The following LRRTM3 variants were observed in gnomAD, a reference collection of about 807,000 sequenced individuals.
The protein encoded by LRRTM3 is leucine rich repeat transmembrane neuronal 3.
Under a neutral mutation model 44.7 loss-of-function variants are expected in LRRTM3, and 24 were observed. The ratio of observed to expected loss-of-function variants is 0.54; its 90% CI spans 0.39 to 0.76. The LOEUF is 0.76. Among genes scored for constraint, LRRTM3 ranks in the 30% least tolerant of loss-of-function variants. The pLI, the probability that LRRTM3 is intolerant of heterozygous loss-of-function variation, is 0.00. For synonymous variants in LRRTM3, 277 were observed against 278.7 expected (o/e 0.99, Z 0.06); for missense variants, 587 against 702.2 (o/e 0.84, Z 1.85).
At chr10:67,075,973 A>G (rs1856725886) in intron 2 of LRRTM3, among the ~76,000 whole-genome samples, 1 of 152,220 alleles carries the variant, frequency 6.6e-6, no homozygotes, top group Admixed American at 6.5e-5. Context: ...CCATTTTTAT[A>G]TAAACCTCTC....
At chr10:67,045,528 G>C (rs868273428) in intron 2 of LRRTM3, among the ~76,000 whole-genome samples, 1 of 152,056 alleles carries the variant, frequency 6.6e-6, no homozygotes, top group Non-Finnish European at 1.5e-5. Flanking sequence ...AGGAAACCCC[G>C]ACCCAGAAGC....
Position 66,926,439 on chromosome 10 carries a change from C to T in LRRTM3, c.-145C>T. On this transcript the variant is annotated 5_prime_UTR_variant, in exon 1 of 3. Transcript: ENST00000361320. Reference sequence around the variant, plus strand: ...CTGGCAAAGAATAATGTTCCAAAATCGGTCCATCTCCCAAGGGGTCCAATT... The same window carrying T: ...CTGGCAAAGAATAATGTTCCAAAATTGGTCCATCTCCCAAGGGGTCCAATT... The T allele has an allele frequency of 2.6e-6, 2 of 782,342 alleles. No homozygotes were observed. Among genetic ancestry groups the T allele is most frequent in the Non-Finnish European group, 2.2e-6 (1 of 455,644 alleles). The allele number at this position is 782,342 out of a possible 1,614,324, so 48.5% of individuals were successfully genotyped here. A position where few individuals can be genotyped will look rare whatever the true frequency, so the allele number is the denominator to read the frequency against.
Position 66,927,953 on chromosome 10 carries a change from T to G in LRRTM3, c.1037T>G (p.Leu346Arg), listed in dbSNP as rs1397746968. The change falls in exon 2 of 3, where the codon CTG (leucine) becomes CGG (arginine). Residue 346 changes from leucine to arginine, a missense_variant. Physicochemically the swap from Leu to Arg is moderately radical, Grantham distance 102. Coordinates refer to ENST00000361320, the MANE Select transcript of LRRTM3 (RefSeq NM_178011.5). This position sits in a 1 kb window ranked among gnomAD's most constrained non-coding sequence, Gnocchi z 4.7. ...ATTATCTGTGCCAGTCCCAAAGAGC[T>G]GCAAGGAGTAAATGTGATCGATGCA... ...NTIICASPKELQGVNVIDAVK... is the reference protein window; with the variant it reads ...NTIICASPKERQGVNVIDAVK... 10 of 1,614,116 alleles carry G rather than the reference T, an allele frequency of 6.2e-6. No homozygotes were observed. Among genetic ancestry groups the G allele is most frequent in the African/African-American group, 1.3e-5 (1 of 74,940 alleles).
At chr10:67,022,338 T>A (rs1249881593) in intron 2 of LRRTM3, among the ~76,000 whole-genome samples, 2 of 152,068 alleles carry the variant, frequency 1.3e-5, no homozygotes, top group African/African-American at 4.8e-5. Flanking sequence ...TGCCTCTGTG[T>A]GTGTGTGTGT....
intron 2 of LRRTM3, among the ~76,000 whole-genome samples, chr10:67,021,346 T>G (rs1440102548): frequency 6.6e-6 from 1 of 152,166 alleles, no homozygotes; most frequent in Non-Finnish European, 1.5e-5. Context: ...AGCACTTGTA[T>G]ACAATCAGTG....
rs150389357 is a variant in LRRTM3 at position 66,998,018 on chromosome 10, C to T, written c.1536+69566C>T. The stretch of plus-strand genomic sequence containing the variant: ...GATTTTTCTAACTGGCCTCCCTGCC[C>T]ACCAGGCTCAGTTTCATCCCCTCAT... On this transcript the variant is annotated intron_variant, in intron 2 of 2. Coordinates refer to ENST00000361320, the MANE Select transcript of LRRTM3 (RefSeq NM_178011.5). Among the ~76,000 whole-genome samples the T allele has an allele frequency of 4.3e-4, 66 of 152,274 alleles. 1 individual carries two copies. The East Asian group carries it at 0.012, about 28-fold the overall frequency.
intron 2 of LRRTM3, among the ~76,000 whole-genome samples, chr10:66,964,067 G>A (rs560905495): frequency 6.6e-6 from 1 of 151,854 alleles, no homozygotes; most frequent in East Asian, 1.9e-4. Flanking sequence ...GGCCAGGATG[G>A]TCTCGATCTT....
intron 2 of LRRTM3, among the ~76,000 whole-genome samples, chr10:67,013,626 A>G (rs995121445): frequency 6.6e-6 from 1 of 152,162 alleles, no homozygotes; most frequent in Non-Finnish European, 1.5e-5. Context: ...CCTTTTCTTG[A>G]TACAAAAGTA....
At chr10:66,930,239 T>C (rs955704113) in intron 2 of LRRTM3, among the ~76,000 whole-genome samples, 1 of 152,170 alleles carries the variant, frequency 6.6e-6, no homozygotes, top group Admixed American at 6.5e-5. Flanking sequence ...TTACAATAGA[T>C]GCCACTTCAG....
chr10:67,000,332 C>T (rs959036028), intron 2 of LRRTM3, among the ~76,000 whole-genome samples: 1 of 152,162 alleles, frequency 6.6e-6, no homozygotes, highest in East Asian at 1.9e-4. Flanking sequence ...CTTACTCTTG[C>T]TGACCCAATA....
intron 2 of LRRTM3, among the ~76,000 whole-genome samples, chr10:66,933,844 T>C (rs1415775672): frequency 6.6e-6 from 1 of 152,188 alleles, no homozygotes; most frequent in Non-Finnish European, 1.5e-5. Context: ...CTTACCAATA[T>C]GAAGTAGCAG....
chr10:67,083,229 A>G (rs778170639), intron 2 of LRRTM3, among the ~76,000 whole-genome samples: 23 of 152,226 alleles, frequency 1.5e-4, no homozygotes, highest in Non-Finnish European at 2.5e-4. Context: ...GTAAAAAGAA[A>G]GTGTCTAAAG....
chr10:66,971,872 T>A (rs1849742345), intron 2 of LRRTM3, among the ~76,000 whole-genome samples: 1 of 151,504 alleles, frequency 6.6e-6, no homozygotes, highest in Non-Finnish European at 1.5e-5. Flanking sequence ...GCCAAAATCA[T>A]TTTTTTTCAA....
intron 2 of LRRTM3, among the ~76,000 whole-genome samples, chr10:67,079,858 AACACAC>A (rs199928311): frequency 0.065 from 9,244 of 141,158 alleles, 407 homozygotes; most frequent in African/African-American, 0.12. Flanking sequence ...AAAAAAACAA[AACACAC>A]ACACACACAC....
intron 2 of LRRTM3, among the ~76,000 whole-genome samples, chr10:67,032,778 T>A (rs1853812996): frequency 6.6e-6 from 1 of 152,210 alleles, no homozygotes; most frequent in Non-Finnish European, 1.5e-5. Context: ...ATTTTCCTTT[T>A]TTTATGTGTT....
chr10:67,084,354 C>T (rs894617443), intron 2 of LRRTM3, among the ~76,000 whole-genome samples: 3 of 151,926 alleles, frequency 2.0e-5, no homozygotes, highest in African/African-American at 7.2e-5. Flanking sequence ...CAGTCACTAA[C>T]CATGACCAAG....
At chr10:67,022,929 C>T (rs191210983) in intron 2 of LRRTM3, among the ~76,000 whole-genome samples, 201 of 152,144 alleles carry the variant, frequency 1.3e-3, no homozygotes, top group African/African-American at 4.7e-3. Flanking sequence ...GAGAGTAAGA[C>T]TGTGTCTCAA....
In LRRTM3 at chr10:66,970,021, A is replaced by C. The variant is rs538900287; in HGVS notation, c.1536+41569A>C. ...ACAAAGTACTATAAGGCTAGAATTGACTTGGAGTCAAGGCGAGTTCCATAG... is the reference window on the plus strand; with the variant it reads ...ACAAAGTACTATAAGGCTAGAATTGCCTTGGAGTCAAGGCGAGTTCCATAG... On this transcript the variant is annotated intron_variant, in intron 2 of 2. Transcript: ENST00000361320. Among the ~76,000 whole-genome samples, 3 of 152,242 alleles carry C rather than the reference A, an allele frequency of 2.0e-5. No homozygotes were observed. In the East Asian group the frequency reaches 5.8e-4, roughly 29 times the overall value.
At position 66,968,923 on chromosome 10, in the gene LRRTM3, A is replaced by T. The variant is rs1849577718; in HGVS notation, c.1536+40471A>T. ...TCCTAGCTGCTGGGGGCGCTGAGGC[A>T]GGAGAATTGCTTGAACCCAGGAAGC... On this transcript the variant is annotated intron_variant, in intron 2 of 2. Coordinates refer to ENST00000361320, the MANE Select transcript of LRRTM3 (RefSeq NM_178011.5). Among the ~76,000 whole-genome samples the T allele has an allele frequency of 3.9e-5, 6 of 152,062 alleles. No homozygotes were observed. The South Asian group carries it at 1.2e-3, about 32-fold the overall frequency.
Sources: allele counts gnomAD v4.1 joint callset (sites outside exome capture counted in the v4.1 genomes callset), GRCh38; gene constraint gnomAD v4.1.1; non-coding constraint Gnocchi (gnomAD v3.1); transcripts MANE v1.5; gene names NCBI Gene and HGNC (gene_info 2026-07-23, HGNC 2026-07-21).